The following CREB5 variants were observed in gnomAD, a reference collection of about 807,000 sequenced individuals.
The protein encoded by CREB5 is cyclic AMP-responsive element-binding protein 5.
In CREB5, 19 loss-of-function variants were observed where a neutral mutation model predicts 57.1. That is an observed-to-expected ratio of 0.33 (90% CI 0.23 to 0.49). The LOEUF is 0.49. Ranked by LOEUF, CREB5 falls within the 20% of genes least tolerant of loss-of-function variation. CREB5 has a pLI of 0.99. For synonymous variants in CREB5, 238 were observed against 238.3 expected, an observed-to-expected ratio of 1.00 and a Z score of 0.01; for missense variants, 579 against 671.6, an observed-to-expected ratio of 0.86 and a Z score of 1.52.
At chr7:28,543,097 T>C (rs1468671695) in intron 4 of CREB5, among the ~76,000 whole-genome samples, 2 of 152,232 alleles carry the variant, frequency 1.3e-5, no homozygotes, top group Non-Finnish European at 1.5e-5. Flanking sequence ...GCCTCAATAC[T>C]TGCTTTTCTC....
intron 4 of CREB5, among the ~76,000 whole-genome samples, chr7:28,524,457 G>A (rs1269435466): frequency 2.0e-5 from 3 of 152,038 alleles, no homozygotes; most frequent in Non-Finnish European, 4.4e-5. Context: ...AGCCGAGATC[G>A]TGTCACTGCA....
chr7:28,367,872 T>C (rs977139014), intron 1 of CREB5, among the ~76,000 whole-genome samples: 4 of 152,062 alleles, frequency 2.6e-5, no homozygotes, highest in Non-Finnish European at 5.9e-5. Flanking sequence ...AAACATATTC[T>C]GGATCCATCC....
intron 5 of CREB5, among the ~76,000 whole-genome samples, chr7:28,690,282 C>T (rs1019984549): frequency 6.6e-6 from 1 of 152,178 alleles, no homozygotes; most frequent in African/African-American, 2.4e-5. Flanking sequence ...ACAGAAGAGG[C>T]ATCAATCTCT....
intron 1 of CREB5, among the ~76,000 whole-genome samples, chr7:28,368,976 G>A (rs755395906): frequency 2.0e-5 from 3 of 152,180 alleles, no homozygotes; most frequent in South Asian, 2.1e-4. Context: ...ACCCTGGGAG[G>A]TCAAGGCTAC....
chr7:28,814,369 A>G (rs1027589245), intron 9 of CREB5, among the ~76,000 whole-genome samples: 2 of 152,226 alleles, frequency 1.3e-5, no homozygotes, highest in African/African-American at 4.8e-5. Flanking sequence ...TATGAAATAT[A>G]ATGAAGGCTC....
intron 5 of CREB5, among the ~76,000 whole-genome samples, chr7:28,627,622 G>C (rs1409765675): frequency 6.6e-6 from 1 of 152,022 alleles, no homozygotes; most frequent in Non-Finnish European, 1.5e-5. Flanking sequence ...CCTGCCTCTT[G>C]AAATGCAAAA....
At chr7:28,435,350 T>C (rs1788913342) in intron 1 of CREB5, among the ~76,000 whole-genome samples, 2 of 150,750 alleles carry the variant, frequency 1.3e-5, no homozygotes, top group South Asian at 4.2e-4. Flanking sequence ...TGATTGTCAG[T>C]GGGGATGTGC....
At chr7:28,462,419 T>C (rs1225342375) in intron 1 of CREB5, among the ~76,000 whole-genome samples, 2 of 152,174 alleles carry the variant, frequency 1.3e-5, no homozygotes, top group Admixed American at 1.3e-4. Context: ...TAGGTTTTCA[T>C]TTCTTTTGGG....
intron 7 of CREB5, among the ~76,000 whole-genome samples, chr7:28,739,535 A>T (rs1311871043): frequency 6.6e-6 from 1 of 152,254 alleles, no homozygotes; most frequent in African/African-American, 2.4e-5. Flanking sequence ...TTGTGCTAAC[A>T]AGCTGCGGGT....
Position 28,820,414 on chromosome 7 carries a change from A to ATTTTTTT in CREB5, c.*1142_*1148dup, listed in dbSNP as rs58545065. 2.7e-5 allele frequency: 4 copies of ATTTTTTT among 147,578 alleles called. No individual in the cohort carries two copies. The highest frequency in any genetic ancestry group is 4.5e-5 in the Non-Finnish European group (3 of 66,940). The allele number at this position is 147,578 out of a possible 1,614,324, so 9.1% of individuals were successfully genotyped here. ...ATCAGCTGCTAATAGCCTAAGATTTATTTTTTTTTTTTTCTTAAGCCTATG... is the reference window on the plus strand; with the variant it reads ...ATCAGCTGCTAATAGCCTAAGATTTATTTTTTTTTTTTTTTTTTTTCTTAAGCCTATG... On this transcript the variant is annotated 3_prime_UTR_variant, in exon 11 of 11. Transcript: ENST00000357727.
At chr7:28,686,278 GTCCTCC>G (rs897734788) in intron 5 of CREB5, 5 of 997,194 alleles carry the variant, frequency 5.0e-6, no homozygotes, top group East Asian at 4.8e-5. Flanking sequence ...TTGAGCCTTC[GTCCTCC>G]TCCTCCTCCT....
chr7:28,805,746 A>G (rs778099427), intron 8 of CREB5, among the ~76,000 whole-genome samples: 3 of 152,070 alleles, frequency 2.0e-5, no homozygotes, highest in Non-Finnish European at 4.4e-5. Flanking sequence ...TGCCTTCCTC[A>G]CTGTGTGATT....
intron 1 of CREB5, among the ~76,000 whole-genome samples, chr7:28,349,211 G>T (rs1307222454): frequency 6.6e-6 from 1 of 152,096 alleles, no homozygotes; most frequent in Admixed American, 6.5e-5. Context: ...TCTCAGCAAG[G>T]TTTTCGGAAA....
chr7:28,618,686 C>G (rs1480115023), intron 5 of CREB5, among the ~76,000 whole-genome samples: 1 of 152,174 alleles, frequency 6.6e-6, no homozygotes, highest in Non-Finnish European at 1.5e-5. Context: ...TGTGATCCTC[C>G]CCTGGGAGGT....
At chr7:28,447,913 A>T (rs1159592461) in intron 1 of CREB5, among the ~76,000 whole-genome samples, 1 of 152,232 alleles carries the variant, frequency 6.6e-6, no homozygotes, top group Non-Finnish European at 1.5e-5. Context: ...CTTTAGTGAG[A>T]GGACTTTTTG....
intron 5 of CREB5, among the ~76,000 whole-genome samples, chr7:28,642,631 G>A (rs1798702175): frequency 6.6e-6 from 1 of 152,092 alleles, no homozygotes; most frequent in African/African-American, 2.4e-5. Context: ...CGGCAATGGG[G>A]TAATACTTTT....
At chr7:28,446,024 G>A (rs1297514895) in intron 1 of CREB5, among the ~76,000 whole-genome samples, 2 of 152,196 alleles carry the variant, frequency 1.3e-5, no homozygotes, top group African/African-American at 2.4e-5. Context: ...TTCCCTGAAG[G>A]AAGCCCTTGG....
At chr7:28,452,511 C>T (rs1326964868) in intron 1 of CREB5, among the ~76,000 whole-genome samples, 7 of 152,096 alleles carry the variant, frequency 4.6e-5, no homozygotes, top group African/African-American at 1.2e-4. Flanking sequence ...TGGTAAAAAG[C>T]GTTTAACTAT....
chr7:28,324,789 G>A (rs1222867056), intron 1 of CREB5, among the ~76,000 whole-genome samples: 1 of 152,174 alleles, frequency 6.6e-6, no homozygotes, highest in African/African-American at 2.4e-5. Context: ...TTGCTAGGAA[G>A]CTCAAATTAC....
Sources: gnomAD v4.1 joint callset for allele counts (sites outside exome capture counted in the v4.1 genomes callset) on GRCh38, gnomAD v4.1.1 for gene constraint, MANE v1.5 for transcripts, NCBI Gene and HGNC (gene_info 2026-07-23, HGNC 2026-07-21) for gene names.